The following HTRA3 variants were observed in gnomAD, a reference collection of about 807,000 sequenced individuals.
The protein encoded by HTRA3 is serine protease HTRA3.
HTRA3 carries 41 observed loss-of-function variants against 43.2 expected under a neutral mutation model. That is an observed-to-expected ratio of 0.95 (90% confidence interval 0.74 to 1.23). The LOEUF is 1.23. Among genes scored for constraint, HTRA3 ranks in the 50% most tolerant of loss-of-function variants. HTRA3 has a pLI of 0.00. For missense variants in HTRA3, 628 were observed against 647.1 expected, an observed-to-expected ratio of 0.97 and a Z score of 0.32; for synonymous variants, 295 against 287.9, an observed-to-expected ratio of 1.02 and a Z score of -0.25.
At chr4:8,281,799 G>C (rs1012393126) in intron 1 of HTRA3, among the ~76,000 whole-genome samples, 1 of 152,244 alleles carries the variant, frequency 6.6e-6, no homozygotes, top group South Asian at 2.1e-4. Flanking sequence ...AGGGAAGTTC[G>C]TGAACCATCT....
intron 1 of HTRA3, 65 bp from the exon 2 acceptor site, chr4:8,282,372 T>C: frequency 7.9e-7 from 1 of 1,270,712 alleles, no homozygotes. Flanking sequence ...CCACTGGGCA[T>C]AGGCCTCTGG....
At chr4:8,300,581 C>T (rs567861584) in intron 6 of HTRA3, among the ~76,000 whole-genome samples, 33 of 152,258 alleles carry the variant, frequency 2.2e-4, no homozygotes, top group Admixed American at 1.3e-3. Context: ...GTGATGTCAC[C>T]TCTGTAATTT....
chr4:8,285,135 G>C (rs533247184), intron 2 of HTRA3, among the ~76,000 whole-genome samples: 1 of 152,076 alleles, frequency 6.6e-6, no homozygotes, highest in South Asian at 2.1e-4. Context: ...TGTGAGACTG[G>C]ACTTCCCTCC....
intron 1 of HTRA3, among the ~76,000 whole-genome samples, chr4:8,278,879 C>T (rs1712632835): frequency 1.3e-5 from 2 of 151,552 alleles, no homozygotes; most frequent in South Asian, 4.1e-4. Context: ...AATCAGCTGA[C>T]CCACATTCTT....
intron 2 of HTRA3, among the ~76,000 whole-genome samples, chr4:8,285,756 C>T (rs1712933389): frequency 6.6e-6 from 1 of 152,234 alleles, no homozygotes; most frequent in South Asian, 2.1e-4. Context: ...CAGGCCAGCT[C>T]CACACCGTTC....
chr4:8,282,685 G>A (rs982588998), intron 2 of HTRA3, 149 bp downstream of exon 2: 82 of 651,554 alleles, frequency 1.3e-4, no homozygotes, highest in South Asian at 4.0e-4. Context: ...CACATCTGCT[G>A]GCTGCCTGTG....
chr4:8,290,053 C>T (rs1713171011), intron 3 of HTRA3, among the ~76,000 whole-genome samples: 1 of 152,252 alleles, frequency 6.6e-6, no homozygotes, highest in Admixed American at 6.5e-5. Flanking sequence ...ATTTCTGCCT[C>T]TTCGGCCGGT....
chr4:8,295,570 C>A lies in HTRA3; in HGVS notation c.1051+1369C>A. On this transcript the variant is annotated intron_variant, in intron 6 of 8. Transcript: ENST00000307358. This position sits in a 1 kb window ranked among gnomAD's most constrained non-coding sequence, Gnocchi z 6.9. ...TTTCCTGGGGGCCTCTCCCTCCCCA[C>A]CTTCTCTTCAGCCCTAGTGAGCTTC... 1 of 607,694 alleles carries A rather than the reference C, an allele frequency of 1.6e-6. No homozygotes were observed. The highest frequency in any genetic ancestry group is 2.5e-6 in the Non-Finnish European group (1 of 408,112). The allele number at this position is 607,694 out of a possible 1,614,324, so 37.6% of individuals were successfully genotyped here.
intron 6 of HTRA3, among the ~76,000 whole-genome samples, chr4:8,301,143 T>C (rs1315965388): frequency 9.8e-6 from 1 of 102,430 alleles, no homozygotes; most frequent in Non-Finnish European, 2.0e-5. Context: ...TCTTATTAGA[T>C]TCACACTCTT....
In HTRA3 at chr4:8,300,495, T is replaced by C. The variant is rs1246312340; in HGVS notation, c.1052-1968T>C. On this transcript the variant is annotated intron_variant, in intron 6 of 8. Coordinates refer to ENST00000307358, the MANE Select transcript of HTRA3 (RefSeq NM_053044.5). Reference sequence around the variant, plus strand: ...TTTCAAGAAATTTGCTTCTTTTGTCTAAGTGATTAAATTCATTGACATCAA... The same window carrying C: ...TTTCAAGAAATTTGCTTCTTTTGTCCAAGTGATTAAATTCATTGACATCAA... Among the ~76,000 whole-genome samples the C allele has an allele frequency of 2.6e-5, 4 of 152,334 alleles. No individual in the cohort carries two copies. The East Asian group carries it at 7.7e-4, about 29-fold the overall frequency.
chr4:8,296,001 CA>C lies in HTRA3; in HGVS notation c.1051+1801del, dbSNP rs779722162. ...CTTCTAGGAAGCTCAGAGCTAGATT[CA>C]GGGGTGCACCCAGACCTGTCCTAGC... is the stretch of plus-strand genomic sequence containing the variant. On this transcript the variant is annotated intron_variant, in intron 6 of 8. Coordinates refer to ENST00000307358, the MANE Select transcript of HTRA3 (RefSeq NM_053044.5). The surrounding 1 kb of genome is among the most constrained non-coding windows in gnomAD (Gnocchi z 5.3). The C allele has an allele frequency of 6.2e-5, 73 of 1,186,888 alleles. No homozygotes were observed. Among genetic ancestry groups the C allele is most frequent in the Non-Finnish European group, 7.5e-5 (72 of 959,306 alleles). 73.5% of individuals were successfully genotyped at this position (1,186,888 alleles called of 1,614,324 possible).
rs769357281 is a variant in HTRA3 at position 8,292,382 on chromosome 4, C to T, written c.936+29C>T. On this transcript the variant is annotated intron_variant, in intron 5 of 8. Transcript: ENST00000307358. The stretch of plus-strand genomic sequence containing the variant: ...AGTGTCCCCTAGAGCCAAAATCTCT[C>T]AGGTTTCTGGGGTTCTTCTCACATG... 1.0e-5 allele frequency: 16 copies of T among 1,605,016 alleles called. No individual in the cohort carries two copies. In the East Asian group the frequency reaches 3.1e-4, roughly 31 times the overall value.
In HTRA3 at chr4:8,306,354, A is replaced by T. The variant is rs1713850460; in HGVS notation, c.*218A>T. 5.5e-6 allele frequency: 3 copies of T among 548,078 alleles called. No homozygotes were observed. Among genetic ancestry groups the T allele is most frequent in the South Asian group, 2.4e-5 (1 of 42,234 alleles). 34.0% of individuals were successfully genotyped at this position (548,078 alleles called of 1,614,324 possible). ...CCGGTGCCGGGGAGGGAAGCCCAACATCCCCTTGTACAGATGATCCTGAAA... is the reference window on the plus strand; with the variant it reads ...CCGGTGCCGGGGAGGGAAGCCCAACTTCCCCTTGTACAGATGATCCTGAAA... On this transcript the variant is annotated 3_prime_UTR_variant, in exon 9 of 9. Transcript: ENST00000307358. The surrounding 1 kb of genome is among the most constrained non-coding windows in gnomAD (Gnocchi z 8.9).
In HTRA3 at chr4:8,297,096, A is replaced by C. The variant is rs2153006781; in HGVS notation, c.1051+2895A>C. Among the ~76,000 whole-genome samples, 1 of 152,100 alleles carries C rather than the reference A, an allele frequency of 6.6e-6. No individual in the cohort carries two copies. The highest frequency in any genetic ancestry group is 2.4e-5 in the African/African-American group (1 of 41,514). On this transcript the variant is annotated intron_variant, in intron 6 of 8. Transcript: ENST00000307358. This position sits in a 1 kb window ranked among gnomAD's most constrained non-coding sequence, Gnocchi z 5.8. ...AGGTTCCCTGGTCTCAGAAGCCATA[A>C]GGTCCCTTGGTCTCAGGCCCCTGTG...
intron 2 of HTRA3, among the ~76,000 whole-genome samples, chr4:8,282,856 G>T (rs1488994406): frequency 6.6e-6 from 1 of 152,248 alleles, no homozygotes; most frequent in Non-Finnish European, 1.5e-5. Flanking sequence ...GTGCAGTAAA[G>T]CAGACACAGA....
At chr4:8,305,832 G>A in intron 8 of HTRA3, 139 bp from the exon 9 acceptor site, 2 of 860,834 alleles carry the variant, frequency 2.3e-6, no homozygotes, top group Non-Finnish European at 3.7e-6. Flanking sequence ...CTTTGGGGCT[G>A]GGGCACTGTT....
At chr4:8,281,396 G>A (rs141411369) in intron 1 of HTRA3, among the ~76,000 whole-genome samples, 1,761 of 152,294 alleles carry the variant, frequency 0.012, 15 homozygotes, top group South Asian at 0.022. Context: ...GTAGCCCCCC[G>A]GGCAGGGACT....
In HTRA3 at chr4:8,306,304, G is replaced by A. The variant is rs1468673170; in HGVS notation, c.*168G>A. 45 of 655,582 alleles carry A rather than the reference G, an allele frequency of 6.9e-5. No individual in the cohort carries two copies. Among genetic ancestry groups the A allele is most frequent in the Admixed American group, 1.0e-4 (3 of 29,676 alleles). The allele number at this position is 655,582 out of a possible 1,614,324, so 40.6% of individuals were successfully genotyped here. On this transcript the variant is annotated 3_prime_UTR_variant, in exon 9 of 9. Transcript: ENST00000307358. The surrounding 1 kb of genome is among the most constrained non-coding windows in gnomAD (Gnocchi z 8.9). The stretch of plus-strand genomic sequence containing the variant: ...GGCTTGGCCAGGGGCCCGAATTTCC[G>A]CCTGGGGAGTGTTGGATCCACATCC...
In HTRA3 at chr4:8,286,819, G is replaced by A; in HGVS notation, c.708+36G>A. 1.3e-6 allele frequency: 2 copies of A among 1,521,718 alleles called. No individual in the cohort carries two copies. Among genetic ancestry groups the A allele is most frequent in the Non-Finnish European group, 1.8e-6 (2 of 1,105,048 alleles). 94.3% of individuals were successfully genotyped at this position (1,521,718 alleles called of 1,614,324 possible). A position where few individuals can be genotyped will look rare whatever the true frequency, so the allele number is the denominator to read the frequency against. On this transcript the variant is annotated intron_variant, in intron 3 of 8. Coordinates refer to ENST00000307358, the MANE Select transcript of HTRA3 (RefSeq NM_053044.5). The surrounding 1 kb of genome is among the most constrained non-coding windows in gnomAD (Gnocchi z 4.9). ...GTGGGTGGAGGGGCGGAAGCACCTG[G>A]GGCTGGGCATGGTGGCCTCTTCCCA...
Sources: allele counts gnomAD v4.1 joint callset (sites outside exome capture counted in the v4.1 genomes callset), GRCh38; gene constraint gnomAD v4.1.1; non-coding constraint Gnocchi (gnomAD v3.1); transcripts MANE v1.5; gene names NCBI Gene and HGNC (gene_info 2026-07-23, HGNC 2026-07-21).